CSF1R: variants seen among roughly 807,000 people sequenced by gnomAD.
The protein encoded by CSF1R is colony stimulating factor 1 receptor.
Under a neutral mutation model 110.0 loss-of-function variants are expected in CSF1R, and 40 were observed. The observed-to-expected ratio is 0.36, with a 90% CI of 0.28 to 0.47. The LOEUF is 0.47. Among genes scored for constraint, CSF1R ranks in the 20% least tolerant of loss-of-function variants. The pLI, the probability that CSF1R is intolerant of heterozygous loss-of-function variation, is 0.99. For synonymous variants in CSF1R, 523 were observed against 503.4 expected (o/e 1.04, Z -0.52); for missense variants, 1,052 against 1,253.0 (o/e 0.84, Z 2.42).
intron 16 of CSF1R, 140 bp from the exon 17 acceptor site, chr5:150,056,481 T>C: frequency 9.9e-7 from 1 of 1,015,064 alleles, no homozygotes; most frequent in Non-Finnish European, 1.5e-6. Context: ...CCACAAACCC[T>C]TGTCTATACC....
chr5:150,077,976 C>T, intron 4 of CSF1R, 136 bp downstream of exon 4: 3 of 1,095,858 alleles, frequency 2.7e-6, no homozygotes, highest in South Asian at 1.5e-5. Context: ...GGTGAGTCTG[C>T]ACCCCTCTCT....
rs78589280 is a variant in CSF1R, at chr5:150,083,342, C to T, written c.50-2318G>A. Among the ~76,000 whole-genome samples, 224 of 135,498 alleles carry T rather than the reference C, an allele frequency of 1.7e-3. 2 individuals carry two copies. The East Asian group carries it at 0.026, about 16-fold the overall frequency. 88.9% of individuals were successfully genotyped at this position (135,498 alleles called of 152,430 possible). A position where few individuals can be genotyped will look rare whatever the true frequency, so the allele number is the denominator to read the frequency against. ...AGAATGTGCCCCAATCTCTACTCTT[C>T]TCTCCCAACACACACACACACACAC... On this transcript the variant is annotated intron_variant, in intron 1 of 20. Transcript: ENST00000675795.
At chr5:150,078,282 G>C (rs1057250990) in intron 3 of CSF1R, 34 bp from the exon 4 acceptor site, 8 of 1,612,128 alleles carry the variant, frequency 5.0e-6, no homozygotes, top group African/African-American at 4.0e-5. Context: ...GAACACCCAG[G>C]CTCCCTGAAC....
At position 150,079,955 on chromosome 5, in the gene CSF1R, C is replaced by T. The variant is rs966544645; in HGVS notation, c.592+97G>A. On this transcript the variant is annotated intron_variant, in intron 3 of 20. Transcript: ENST00000675795. ...TGAAAGAAAGAGGACATCCCACTGC[C>T]CCCCATCACACCCAGTCCCCAGTCA... 2.1e-6 allele frequency: 3 copies of T among 1,400,678 alleles called. No individual in the cohort carries two copies. The African/African-American group carries it at 4.3e-5, about 20-fold the overall frequency. 86.8% of individuals were successfully genotyped at this position (1,400,678 alleles called of 1,614,324 possible).
intron 1 of CSF1R, among the ~76,000 whole-genome samples, chr5:150,091,929 T>C (rs1374102640): frequency 1.3e-5 from 2 of 148,744 alleles, no homozygotes; most frequent in Non-Finnish European, 1.5e-5. Context: ...AGCTAGAAAG[T>C]TGGATATACA....
At chr5:150,085,903 G>A (rs1758821835) in intron 1 of CSF1R, among the ~76,000 whole-genome samples, 1 of 152,082 alleles carries the variant, frequency 6.6e-6, no homozygotes, top group Non-Finnish European at 1.5e-5. Flanking sequence ...GACCAGCAGT[G>A]CCGGCATCTC....
At chr5:150,101,409 C>T (rs147173379) in intron 1 of CSF1R, among the ~76,000 whole-genome samples, 21 of 152,286 alleles carry the variant, frequency 1.4e-4, no homozygotes, top group Non-Finnish European at 2.2e-4. Flanking sequence ...GTATATGTCA[C>T]TGCAGCTTTG....
At chr5:150,107,487 T>G (rs1054857193) in intron 1 of CSF1R, among the ~76,000 whole-genome samples, 44 of 152,250 alleles carry the variant, frequency 2.9e-4, no homozygotes, top group Non-Finnish European at 2.6e-4. Flanking sequence ...TCATTGATTC[T>G]CCCAGCCACC....
chr5:150,053,415 T>C lies in CSF1R; in HGVS notation c.*654A>G, dbSNP rs1581274436. 1 of 234,362 alleles carries C rather than the reference T, an allele frequency of 4.3e-6. No homozygotes were observed. The highest frequency in any genetic ancestry group is 6.0e-5 in the East Asian group (1 of 16,586). The allele number at this position is 234,362 out of a possible 1,614,324, so 14.5% of individuals were successfully genotyped here. A position where few individuals can be genotyped will look rare whatever the true frequency, so the allele number is the denominator to read the frequency against. On this transcript the variant is annotated 3_prime_UTR_variant, in exon 21 of 21. Coordinates refer to ENST00000675795, the MANE Select transcript of CSF1R (RefSeq NM_001288705.3). ...TGGTGTGGCCAGCCACATGCCAAGG[T>C]CCCCTGCCTTCTAGCCCAGAATGAC...
At chr5:150,092,463 T>C (rs1163720262) in intron 1 of CSF1R, among the ~76,000 whole-genome samples, 2 of 152,224 alleles carry the variant, frequency 1.3e-5, no homozygotes, top group Non-Finnish European at 2.9e-5. Flanking sequence ...TGTATTAGTC[T>C]GTTCTCATAC....
intron 1 of CSF1R, among the ~76,000 whole-genome samples, chr5:150,108,968 C>G (rs757111663): frequency 1.1e-4 from 17 of 152,066 alleles, no homozygotes; most frequent in African/African-American, 4.1e-4. Flanking sequence ...CTCGCCAGAC[C>G]CCTACACAGT....
At chr5:150,077,898 C>A (rs781019322) in intron 4 of CSF1R, among the ~76,000 whole-genome samples, 1 of 151,912 alleles carries the variant, frequency 6.6e-6, no homozygotes, top group Admixed American at 6.6e-5. Flanking sequence ...CACCCACCCC[C>A]ACAAAGTTCA....
chr5:150,053,741 T>C lies in CSF1R; in HGVS notation c.*328A>G. Reference sequence around the variant, plus strand: ...TCCTGGGGACTTCATAGGCATAAAGTCAGTCCATTTCCATGAAGATAAGGG... The same window carrying C: ...TCCTGGGGACTTCATAGGCATAAAGCCAGTCCATTTCCATGAAGATAAGGG... On this transcript the variant is annotated 3_prime_UTR_variant, in exon 21 of 21. Transcript: ENST00000675795. 1 of 433,754 alleles carries C rather than the reference T, an allele frequency of 2.3e-6. No individual in the cohort carries two copies. The highest frequency in any genetic ancestry group is 2.5e-5 in the South Asian group (1 of 40,326). 26.9% of individuals were successfully genotyped at this position (433,754 alleles called of 1,614,324 possible).
At chr5:150,091,556 G>A (rs1390410886) in intron 1 of CSF1R, among the ~76,000 whole-genome samples, 1 of 152,128 alleles carries the variant, frequency 6.6e-6, no homozygotes, top group Non-Finnish European at 1.5e-5. Flanking sequence ...TCCAGAACAG[G>A]TAAACCTGTA....
intron 10 of CSF1R, among the ~76,000 whole-genome samples, chr5:150,065,895 AG>A (rs1173172755): frequency 6.6e-6 from 1 of 152,226 alleles, no homozygotes; most frequent in Non-Finnish European, 1.5e-5. Context: ...CAAGGCAGAA[AG>A]GGCCGCAGGG....
At chr5:150,077,051 A>G (rs985909511) in intron 5 of CSF1R, 9 of 603,872 alleles carry the variant, frequency 1.5e-5, no homozygotes, top group Admixed American at 5.6e-5. Flanking sequence ...GGTGCACCCA[A>G]TGCAGCCATG....
chr5:150,099,098 A>G (rs1424654366), intron 1 of CSF1R, among the ~76,000 whole-genome samples: 1 of 144,386 alleles, frequency 6.9e-6, no homozygotes, highest in Non-Finnish European at 1.5e-5. Context: ...TAGGAGAGAC[A>G]TGTTTCACCA....
At chr5:150,108,863 T>G (rs1480078204) in intron 1 of CSF1R, among the ~76,000 whole-genome samples, 2 of 151,882 alleles carry the variant, frequency 1.3e-5, no homozygotes, top group African/African-American at 4.8e-5. Flanking sequence ...GCCAAGAACA[T>G]GTGGGTGAGG....
Position 150,085,277 on chromosome 5 carries a change from GAA to G in CSF1R, c.49+1100_49+1101del, listed in dbSNP as rs70973563. 2.0e-3 allele frequency among the ~76,000 whole-genome samples: 183 copies of G among 92,454 alleles called. 9 individuals are homozygous for G. The highest frequency in any genetic ancestry group is 0.014 in the East Asian group (38 of 2,768). The allele number at this position is 92,454 out of a possible 152,430, so 60.7% of individuals were successfully genotyped here. A position where few individuals can be genotyped will look rare whatever the true frequency, so the allele number is the denominator to read the frequency against. On this transcript the variant is annotated intron_variant, in intron 1 of 20. Coordinates refer to ENST00000675795, the MANE Select transcript of CSF1R (RefSeq NM_001288705.3). The stretch of plus-strand genomic sequence containing the variant: ...GTGACAGAGAGAGACTCTGTCTCAG[GAA>G]AAAAAAAAAAAAAACCCAAATACTC...
Sources: gnomAD v4.1 joint callset for allele counts (sites outside exome capture counted in the v4.1 genomes callset) on GRCh38, gnomAD v4.1.1 for gene constraint, MANE v1.5 for transcripts, NCBI Gene and HGNC (gene_info 2026-07-23, HGNC 2026-07-21) for gene names.